WDR13: variants seen among roughly 807,000 people sequenced by gnomAD.
WDR13 encodes WD repeat domain 13, also known as WD repeat-containing protein 13.
In WDR13, 1 loss-of-function variant was observed where a neutral mutation model predicts 28.6. The observed-to-expected ratio is 0.03, with a 90% CI of 0.01 to 0.17. WDR13 has a LOEUF of 0.17. Among genes scored for constraint, WDR13 ranks in the 10% least tolerant of loss-of-function variants. The pLI, the probability that WDR13 is intolerant of heterozygous loss-of-function variation, is 1.00. For synonymous variants in WDR13, 201 were observed against 185.9 expected (o/e 1.08, Z -0.66); for missense variants, 264 against 469.3 (o/e 0.56, Z 4.04).
rs1402476553 is a variant in WDR13, at chrX:48,600,968, G to A, written c.831+342G>A. Among the ~76,000 whole-genome samples, 4 of 111,769 alleles carry A rather than the reference G, an allele frequency of 3.6e-5. No homozygotes were observed. The Admixed American group carries it at 3.8e-4, about 11-fold the overall frequency. ...AAATTAGCCGGGCATGGTGGCGGGCGCCTATAGTCTCAGCTACTTGGGAGG... is the reference window on the plus strand; with the variant it reads ...AAATTAGCCGGGCATGGTGGCGGGCACCTATAGTCTCAGCTACTTGGGAGG... On this transcript the variant is annotated intron_variant, in intron 6 of 9. Transcript: ENST00000376729.
At chrX:48,600,722 G>A (rs781905946) in intron 6 of WDR13, 96 bp downstream of exon 6, 6 of 1,012,271 alleles carry the variant, frequency 5.9e-6, no homozygotes, top group Middle Eastern at 2.6e-4. Flanking sequence ...AGCCAGGGGG[G>A]GCCTAGGACC....
chrX:48,598,878 C>A lies in WDR13; in HGVS notation c.203C>A (p.Pro68His). 2 of 1,209,932 alleles carry A rather than the reference C, an allele frequency of 1.7e-6. No individual in the cohort carries two copies. The highest frequency in any genetic ancestry group is 2.2e-6 in the Non-Finnish European group (2 of 894,909). The change falls in exon 3 of 10, where the codon CCC becomes CAC. Residue 68 changes from proline to histidine, a missense_variant. By Grantham distance (77) the Pro-to-His change is moderately conservative. Around this residue, in one of 4 missense-constraint regions of WDR13, gnomAD observed 74 missense variants for 89.3 expected, o/e 0.83. Transcript: ENST00000376729. ...RGQLLGQRYG[P>H]LSEPGSARAY... is the part of the protein sequence containing the mutation. Reference sequence around the variant, plus strand: ...CAGCTGCTGGGCCAGCGCTACGGGCCCCTCTCCGAGCCAGGCAGTGCTCGT... The same window carrying A: ...CAGCTGCTGGGCCAGCGCTACGGGCACCTCTCCGAGCCAGGCAGTGCTCGT...
Position 48,607,141 on chromosome X carries a change from ACAACAAAAAGATATGGAGCAAAAT to A in WDR13, c.*2112_*2135del, listed in dbSNP as rs1556996164. On this transcript the variant is annotated 3_prime_UTR_variant, in exon 10 of 10. Coordinates refer to ENST00000376729, the MANE Select transcript of WDR13 (RefSeq NM_001347217.2). ...TATTCATGGCTACGATTGACTTATTACAACAAAAAGATATGGAGCAAAATCAGCAAAAAGAAATGGTGTGCAGGA... is the reference window on the plus strand; with the variant it reads ...TATTCATGGCTACGATTGACTTATTACAGCAAAAAGAAATGGTGTGCAGGA... 18 of 110,388 alleles carry A rather than the reference ACAACAAAAAGATATGGAGCAAAAT, an allele frequency of 1.6e-4. No individual in the cohort carries two copies. The highest frequency in any genetic ancestry group is 5.6e-4 in the African/African-American group (17 of 30,303). 9.1% of individuals were successfully genotyped at this position (110,388 alleles called of 1,213,427 possible).
intron 2 of WDR13, 72 bp from the exon 3 acceptor site, chrX:48,598,645 T>TCCC (rs1556993390): frequency 1.0e-6 from 1 of 1,000,393 alleles, no homozygotes; most frequent in African/African-American, 2.5e-5. Flanking sequence ...TCTCCTGCCG[T>TCCC]ACCCCCCCCC....
At chrX:48,598,572 TCC>T (rs2062159267) in intron 2 of WDR13, 143 bp from the exon 3 acceptor site, 1 of 1,075,186 alleles carries the variant, frequency 9.3e-7, no homozygotes, top group African/African-American at 2.0e-5. Context: ...GACCAAGAGG[TCC>T]CTCATCACCA....
chrX:48,598,014 G>C lies in WDR13; in HGVS notation c.18G>C (p.Gln6His). The C allele has an allele frequency of 1.7e-6, 2 of 1,164,724 alleles. No homozygotes were observed. The highest frequency in any genetic ancestry group is 2.3e-6 in the Non-Finnish European group (2 of 872,003). The change falls in exon 2 of 10, where the codon CAG becomes CAC. Residue 6 changes from glutamine (Q) to histidine (H), a missense_variant. This residue lies in a region of WDR13 where 15 missense variants were observed against 48.2 expected (regional missense o/e 0.31). Coordinates refer to ENST00000376729, the MANE Select transcript of WDR13 (RefSeq NM_001347217.2). MAAVW[Q>H]QVLAVDARYN... ...GCCGGGGAATGGCCGCGGTGTGGCA[G>C]CAAGTCTTAGCAGTGGACGCGAGGT... is the stretch of plus-strand genomic sequence containing the variant.
At chrX:48,598,984 G>A (rs948805001) in intron 3 of WDR13, 27 bp downstream of exon 3, 5 of 1,178,446 alleles carry the variant, frequency 4.2e-6, no homozygotes, top group Middle Eastern at 2.4e-4. Context: ...ATTCACCCCC[G>A]GGCATACCCT....
intron 6 of WDR13, 92 bp from the exon 7 acceptor site, chrX:48,601,692 C>G (rs1909372678): frequency 2.1e-6 from 2 of 933,745 alleles, no homozygotes; most frequent in African/African-American, 4.0e-5. Context: ...TAATAGGGAC[C>G]AGCCAGTCGC....
At chrX:48,598,645 T>TTC (rs1556993390) in intron 2 of WDR13, 72 bp from the exon 3 acceptor site, 1 of 1,000,393 alleles carries the variant, frequency 1.0e-6, no homozygotes, top group African/African-American at 2.5e-5. Context: ...TCTCCTGCCG[T>TTC]ACCCCCCCCC....
Position 48,601,906 on chromosome X carries a change from G to T in WDR13, c.954G>T (p.Leu318=). 3 of 1,203,433 alleles carry T rather than the reference G, an allele frequency of 2.5e-6. No homozygotes were observed. Among genetic ancestry groups the T allele is most frequent in the Non-Finnish European group, 3.4e-6 (3 of 890,470 alleles). ...TGTCCTTTGATGCCCCTGGCCGGCT[G>T]CTCTGGGCGGGTGATGACCGTGGCA... is the stretch of plus-strand genomic sequence containing the variant. ...LALSFDAPGR[L]LWAGDDRGSV... Residue 318 remains leucine (L), a synonymous_variant, in exon 7 of 10, where the codon CTG becomes CTT. Transcript: ENST00000376729.
In WDR13 at chrX:48,601,936, C is replaced by G; in HGVS notation, c.984C>G (p.Val328=). ...LLWAGDDRGS[V]FSFLFDMATG... Reference sequence around the variant, plus strand: ...GGGCGGGTGATGACCGTGGCAGTGTCTTCTCTTTCCTCTTTGATATGGCCA... The same window carrying G: ...GGGCGGGTGATGACCGTGGCAGTGTGTTCTCTTTCCTCTTTGATATGGCCA... Residue 328 remains valine, a synonymous_variant, in exon 7 of 10, where the codon GTC becomes GTG. Coordinates refer to ENST00000376729, the MANE Select transcript of WDR13 (RefSeq NM_001347217.2). The G allele has an allele frequency of 8.4e-7, 1 of 1,193,191 alleles. No individual in the cohort carries two copies. Among genetic ancestry groups the G allele is most frequent in the Non-Finnish European group, 1.1e-6 (1 of 884,209 alleles).
chrX:48,598,299 G>A (rs1329430638), intron 2 of WDR13: 3 of 1,063,406 alleles, frequency 2.8e-6, no homozygotes, highest in African/African-American at 3.9e-5. Context: ...GCTCAGGCAG[G>A]TGACATCCTA....
chrX:48,598,185 C>A (rs2062156106), intron 2 of WDR13, 148 bp downstream of exon 2: 1 of 1,131,224 alleles, frequency 8.8e-7, no homozygotes, highest in South Asian at 2.1e-5. Context: ...GCGGGCACGC[C>A]CGCGGTGAGT....
At position 48,598,758 on chromosome X, in the gene WDR13, C is replaced by T. The variant is rs782222639; in HGVS notation, c.83C>T (p.Thr28Met). The change falls in exon 3 of 10, where the codon ACG becomes ATG. Residue 28 changes from threonine to methionine, a missense_variant. Transcript: ENST00000376729. ...ACACCAACGTTTCCACAGTTTCGGACGCAGTATATCCGCCGGCGCAGCCAG... is the reference window on the plus strand; with the variant it reads ...ACACCAACGTTTCCACAGTTTCGGATGCAGTATATCCGCCGGCGCAGCCAG... Reference protein sequence around the residue: ...YRTPTFPQFRTQYIRRRSQLL... With the variant: ...YRTPTFPQFRMQYIRRRSQLL... 2 of 1,205,546 alleles carry T rather than the reference C, an allele frequency of 1.7e-6. No individual in the cohort carries two copies. Among genetic ancestry groups the T allele is most frequent in the Non-Finnish European group, 2.2e-6 (2 of 891,910 alleles).
intron 5 of WDR13, 169 bp downstream of exon 5, chrX:48,599,886 C>T (rs1960042020): frequency 1.1e-5 from 8 of 732,613 alleles, no homozygotes; most frequent in Non-Finnish European, 1.2e-5. Context: ...GTCAGTGCTT[C>T]GTCTACTGGA....
At chrX:48,599,194 G>A (rs1019440290) in intron 3 of WDR13, 159 bp from the exon 4 acceptor site, 23 of 628,087 alleles carry the variant, frequency 3.7e-5, no homozygotes, top group South Asian at 2.5e-4. Context: ...AGCAGAACTC[G>A]TGAGGAAGCC....
rs2062168212 is a variant in WDR13 at position 48,599,465 on chromosome X, A to G, written c.392+3A>G. On this transcript the variant is annotated splice_donor_region_variant and intron_variant, in intron 4 of 9. Transcript: ENST00000376729. ...AACCGTGCCGTCTATGAGGACAGGT[A>G]TGCACCAGAGGCAGCCAAGGCGGGG... 1.7e-5 allele frequency: 21 copies of G among 1,207,868 alleles called. No homozygotes were observed. The highest frequency in any genetic ancestry group is 2.3e-4 in the Middle Eastern group (1 of 4,330).
chrX:48,607,869 A>T lies in WDR13; in HGVS notation c.*2837A>T, dbSNP rs1569489650. The T allele has an allele frequency of 9.3e-6, 1 of 107,532 alleles. No homozygotes were observed. The highest frequency in any genetic ancestry group is 3.0e-4 in the East Asian group (1 of 3,379). The allele number at this position is 107,532 out of a possible 1,213,427, so 8.9% of individuals were successfully genotyped here. On this transcript the variant is annotated 3_prime_UTR_variant, in exon 10 of 10. Transcript: ENST00000376729. ...CTGTAACCTCCGCCTCCTGGGTTCA[A>T]GCAATTCTCCTGCCTCAGCTTCCTG...
At chrX:48,598,675 C>A in intron 2 of WDR13, 42 bp from the exon 3 acceptor site, 1 of 898,430 alleles carries the variant, frequency 1.1e-6, no homozygotes. Context: ...TTGATTCCCT[C>A]TGTCCTGTGC....
Sources: gnomAD v4.1 joint callset for allele counts (sites outside exome capture counted in the v4.1 genomes callset) on GRCh38, gnomAD v4.1.1 for gene constraint, gnomAD v4.1.1 regional missense constraint, MANE v1.5 for transcripts, NCBI Gene and HGNC (gene_info 2026-07-23, HGNC 2026-07-21) for gene names.